Variants in PSMD1 observed in about 807,000 individuals in gnomAD.
The protein encoded by PSMD1 is 26S proteasome non-ATPase regulatory subunit 1.
A neutral mutation model predicts 119.0 loss-of-function variants in PSMD1; 18 were observed. The ratio of observed to expected loss-of-function variants is 0.15; its 90% confidence interval spans 0.10 to 0.22. PSMD1 has a LOEUF of 0.22. Among genes scored for constraint, PSMD1 ranks in the 10% least tolerant of loss-of-function variants. The pLI is 1.00. For missense variants in PSMD1, 702 were observed against 1,158.5 expected, an observed-to-expected ratio of 0.61 and a Z score of 5.72; for synonymous variants, 374 against 396.6, an observed-to-expected ratio of 0.94 and a Z score of 0.68.
At chr2:231,089,187 C>T (rs1043915182) in intron 16 of PSMD1, among the ~76,000 whole-genome samples, 5 of 152,304 alleles carry the variant, frequency 3.3e-5, no homozygotes, top group African/African-American at 1.2e-4. Flanking sequence ...AAGCTGTCTC[C>T]ATAACATGGA....
At chr2:231,084,584 T>G (rs147141120) in intron 14 of PSMD1, among the ~76,000 whole-genome samples, 39 of 152,188 alleles carry the variant, frequency 2.6e-4, no homozygotes, top group African/African-American at 9.2e-4. Flanking sequence ...CTGCTATAGT[T>G]TATTGATAAA....
intron 16 of PSMD1, among the ~76,000 whole-genome samples, chr2:231,091,179 C>G (rs965326726): frequency 6.6e-6 from 1 of 152,154 alleles, no homozygotes; most frequent in African/African-American, 2.4e-5. Flanking sequence ...AGGCTTGGAG[C>G]AAACACAATT....
Position 231,170,214 on chromosome 2 carries a change from A to G in PSMD1, c.2716-352A>G, listed in dbSNP as rs577255403. On this transcript the variant is annotated intron_variant, in intron 23 of 24. Coordinates refer to ENST00000308696, the MANE Select transcript of PSMD1 (RefSeq NM_002807.4). The surrounding 1 kb of genome is among the most constrained non-coding windows in gnomAD (Gnocchi z 4.1). ...ATAATGATGCTTCTGGCCCAGGACC[A>G]TATCTTGAGTAGGAAGGAATTAGGA... Among the ~76,000 whole-genome samples the G allele has an allele frequency of 5.8e-4, 88 of 152,314 alleles. 1 individual carries two copies. The highest frequency in any genetic ancestry group is 1.2e-3 in the Non-Finnish European group (80 of 68,020).
At chr2:231,061,217 A>C (rs1274324151) in intron 1 of PSMD1, 50 bp from the exon 2 acceptor site, 33 of 1,460,998 alleles carry the variant, frequency 2.3e-5, no homozygotes, top group Non-Finnish European at 3.1e-5. Flanking sequence ...GTTAATTTCC[A>C]CTTTAGTGAG....
chr2:231,139,607 T>C (rs962940847), intron 17 of PSMD1, among the ~76,000 whole-genome samples: 1 of 151,304 alleles, frequency 6.6e-6, no homozygotes, highest in African/African-American at 2.4e-5. Flanking sequence ...AAAATAGTTT[T>C]TGTTGTTGTT....
At chr2:231,065,356 G>T (rs1044203179) in intron 4 of PSMD1, among the ~76,000 whole-genome samples, 9 of 151,278 alleles carry the variant, frequency 5.9e-5, no homozygotes, top group Non-Finnish European at 1.2e-4. Context: ...GCAGTGGCGC[G>T]ATCTCGGCTC....
At chr2:231,142,880 T>C (rs1696159045) in intron 17 of PSMD1, among the ~76,000 whole-genome samples, 1 of 152,188 alleles carries the variant, frequency 6.6e-6, no homozygotes, top group Non-Finnish European at 1.5e-5. Context: ...GCTGTGTGTA[T>C]TATCTGTTAA....
At chr2:231,062,199 G>T in intron 2 of PSMD1, 49 bp from the exon 3 acceptor site, 1 of 1,251,004 alleles carries the variant, frequency 8.0e-7, no homozygotes, top group Non-Finnish European at 1.2e-6. Flanking sequence ...TTTTAAGGAA[G>T]TGTAATGATA....
chr2:231,168,557 C>T (rs759348346), intron 23 of PSMD1, among the ~76,000 whole-genome samples: 1 of 152,166 alleles, frequency 6.6e-6, no homozygotes, highest in South Asian at 2.1e-4. Context: ...TAAAAGACTG[C>T]ATATGGTCTG....
intron 16 of PSMD1, among the ~76,000 whole-genome samples, chr2:231,095,110 T>C (rs1694693793): frequency 6.6e-6 from 1 of 152,212 alleles, no homozygotes; most frequent in Non-Finnish European, 1.5e-5. Flanking sequence ...GTCTATGCGA[T>C]TTAGTTGCCT....
Position 231,138,817 on chromosome 2 carries a change from C to T in PSMD1, c.1965C>T (p.Ala655=). Residue 655 remains alanine (A), a synonymous_variant, in exon 17 of 25, where the codon GCC becomes GCT. Transcript: ENST00000308696. The stretch of plus-strand genomic sequence containing the variant: ...ATGTGCGCTACGGAGCTGCAATGGC[C>T]TTGGGGATATGCTGTGCTGGTACAG... ...NPHVRYGAAM[A]LGICCAGTGN... 6.2e-7 allele frequency: 1 copy of T among 1,614,032 alleles called. No homozygotes were observed. Among genetic ancestry groups the T allele is most frequent in the Non-Finnish European group, 8.5e-7 (1 of 1,179,974 alleles).
chr2:231,093,504 A>G (rs1050760147), intron 16 of PSMD1, among the ~76,000 whole-genome samples: 2 of 152,154 alleles, frequency 1.3e-5, no homozygotes, highest in Non-Finnish European at 2.9e-5. Flanking sequence ...ACACCATGGT[A>G]TGATTTGATG....
intron 16 of PSMD1, among the ~76,000 whole-genome samples, chr2:231,111,053 C>T (rs1465199700): frequency 6.6e-6 from 1 of 152,174 alleles, no homozygotes; most frequent in East Asian, 1.9e-4. Flanking sequence ...CTGTTAACCT[C>T]CATGACATTT....
chr2:231,147,476 G>A (rs1209453035), intron 18 of PSMD1, among the ~76,000 whole-genome samples: 1 of 152,194 alleles, frequency 6.6e-6, no homozygotes, highest in African/African-American at 2.4e-5. Context: ...CAGCCTGGGT[G>A]ACAGAGCAAG....
intron 24 of PSMD1, among the ~76,000 whole-genome samples, chr2:231,171,754 C>G (rs1227336083): frequency 6.6e-6 from 1 of 151,982 alleles, no homozygotes; most frequent in Non-Finnish European, 1.5e-5. Context: ...CAGGGTTTCT[C>G]CATGTTGGTC....
intron 16 of PSMD1, 56 bp downstream of exon 16, chr2:231,087,237 T>C: frequency 1.4e-6 from 2 of 1,444,586 alleles, no homozygotes; most frequent in Non-Finnish European, 1.9e-6. Context: ...GGAAATGTAG[T>C]AGTCACTACC....
chr2:231,141,420 ACTT>A (rs71708288), intron 17 of PSMD1, among the ~76,000 whole-genome samples: 18,522 of 140,508 alleles, frequency 0.13, 2,075 homozygotes, highest in African/African-American at 0.35. Context: ...ACCCTGCTAT[ACTT>A]TTTTTTTTTT....
Position 231,086,590 on chromosome 2 carries a change from G to A in PSMD1, c.1819-527G>A, listed in dbSNP as rs148919561. Among the ~76,000 whole-genome samples, 785 of 152,336 alleles carry A rather than the reference G, an allele frequency of 5.2e-3. 6 individuals carry two copies. The highest frequency in any genetic ancestry group is 0.017 in the African/African-American group (721 of 41,576). ...GAGAAACACTTGAACCCGGGAGGCA[G>A]AGGTTGCAGTGAGCCAAGATTGTGC... On this transcript the variant is annotated intron_variant, in intron 15 of 24. Transcript: ENST00000308696.
intron 8 of PSMD1, 72 bp downstream of exon 8, chr2:231,075,643 G>A (rs1231327471): frequency 3.9e-5 from 55 of 1,393,612 alleles, no homozygotes; most frequent in Admixed American, 1.2e-4. Context: ...GCAGTGGCGC[G>A]GTCTCGGCTC....
Sources: allele counts gnomAD v4.1 joint callset (sites outside exome capture counted in the v4.1 genomes callset), GRCh38; gene constraint gnomAD v4.1.1; non-coding constraint Gnocchi (gnomAD v3.1); transcripts MANE v1.5; gene names NCBI Gene and HGNC (gene_info 2026-07-23, HGNC 2026-07-21).